Variants in CTNNA3 observed in about 807,000 individuals in gnomAD.
CTNNA3 encodes catenin alpha 3, also known as catenin alpha-3.
In CTNNA3, 76 loss-of-function variants were observed where a neutral mutation model predicts 95.7. The observed-to-expected ratio is 0.79, with a 90% CI of 0.66 to 0.96. The LOEUF is 0.96. Among genes scored for constraint, CTNNA3 ranks in the 40% least tolerant of loss-of-function variants. The pLI is 0.00. For synonymous variants in CTNNA3, 431 were observed against 374.4 expected, an observed-to-expected ratio of 1.15 and a Z score of -1.74; for missense variants, 1,191 against 1,089.8, an observed-to-expected ratio of 1.09 and a Z score of -1.31.
At chr10:67,318,107 T>C (rs1219099711) in intron 5 of CTNNA3, among the ~76,000 whole-genome samples, 1 of 152,142 alleles carries the variant, frequency 6.6e-6, no homozygotes, top group African/African-American at 2.4e-5. Context: ...AAAATGCCTA[T>C]TAGGTATTTA....
At chr10:66,683,814 G>T (rs563787796) in intron 9 of CTNNA3, among the ~76,000 whole-genome samples, 2 of 152,230 alleles carry the variant, frequency 1.3e-5, no homozygotes, top group African/African-American at 4.8e-5. Context: ...GGGCTGGTTT[G>T]AAGAAAGATG....
intron 7 of CTNNA3, among the ~76,000 whole-genome samples, chr10:66,834,158 T>C (rs10733830): frequency 0.72 from 109,620 of 152,084 alleles, 40,012 homozygotes; most frequent in African/African-American, 0.81. Flanking sequence ...CTTCTACAGT[T>C]GAGCTAATAG....
chr10:66,343,083 G>T (rs996539944), intron 12 of CTNNA3, among the ~76,000 whole-genome samples: 1 of 152,128 alleles, frequency 6.6e-6, no homozygotes, highest in Middle Eastern at 3.4e-3. Context: ...ACATTGACAA[G>T]CCCTCTCAAT....
At chr10:67,601,741 T>G (rs938375171) in intron 3 of CTNNA3, among the ~76,000 whole-genome samples, 2 of 152,212 alleles carry the variant, frequency 1.3e-5, no homozygotes, top group African/African-American at 4.8e-5. Context: ...TGTCATTGTA[T>G]TGGTAGTGTA....
intron 17 of CTNNA3, among the ~76,000 whole-genome samples, chr10:65,957,803 C>T (rs564104045): frequency 1.3e-5 from 2 of 152,310 alleles, no homozygotes; most frequent in Non-Finnish European, 2.9e-5. Context: ...ACCTTTCTCT[C>T]TGGTTGCCCT....
chr10:66,270,483 G>C (rs1252308125), intron 13 of CTNNA3, among the ~76,000 whole-genome samples: 2 of 152,166 alleles, frequency 1.3e-5, no homozygotes, highest in Non-Finnish European at 2.9e-5. Context: ...TGGGATTATA[G>C]ATATAAGCCA....
chr10:67,726,418 AT>A (rs1168061260), intron 1 of CTNNA3, among the ~76,000 whole-genome samples: 5 of 48,942 alleles, frequency 1.0e-4, no homozygotes, highest in South Asian at 8.3e-4. Flanking sequence ...CATATATAAT[AT>A]TATATATTAT....
intron 5 of CTNNA3, among the ~76,000 whole-genome samples, chr10:67,410,121 G>A (rs564962736): frequency 6.6e-6 from 1 of 152,072 alleles, no homozygotes; most frequent in African/African-American, 2.4e-5. Flanking sequence ...GCCCATCAAA[G>A]ATAGACTGGA....
chr10:66,128,910 C>A (rs1012854100), intron 13 of CTNNA3, among the ~76,000 whole-genome samples: 1 of 151,252 alleles, frequency 6.6e-6, no homozygotes, highest in African/African-American at 2.4e-5. Flanking sequence ...ATCTCTGTAA[C>A]TTTTATTCAA....
At chr10:66,443,601 G>A (rs1564968122) in intron 11 of CTNNA3, among the ~76,000 whole-genome samples, 1 of 152,176 alleles carries the variant, frequency 6.6e-6, no homozygotes, top group Non-Finnish European at 1.5e-5. Flanking sequence ...CAACAAACCT[G>A]CATCTGAGGG....
intron 7 of CTNNA3, among the ~76,000 whole-genome samples, chr10:66,800,699 G>A (rs1243020192): frequency 6.6e-6 from 1 of 150,910 alleles, no homozygotes; most frequent in Non-Finnish European, 1.5e-5. Flanking sequence ...AACTATATAG[G>A]AACTATATAA....
intron 11 of CTNNA3, among the ~76,000 whole-genome samples, chr10:66,403,265 C>T (rs886311993): frequency 9.9e-5 from 15 of 152,122 alleles, no homozygotes; most frequent in African/African-American, 3.6e-4. Flanking sequence ...CAATGAAAGC[C>T]TTTCTTTCTA....
At chr10:66,181,176 T>C in intron 13 of CTNNA3, among the ~76,000 whole-genome samples, 1 of 152,216 alleles carries the variant, frequency 6.6e-6, no homozygotes. Context: ...TCATAAACTT[T>C]CACTAAATTT....
At chr10:66,830,675 T>C (rs1379431500) in intron 7 of CTNNA3, among the ~76,000 whole-genome samples, 1 of 151,992 alleles carries the variant, frequency 6.6e-6, no homozygotes, top group Non-Finnish European at 1.5e-5. Context: ...AGTGGTGCGA[T>C]CTCGGCTCAC....
At chr10:66,318,834 T>C (rs1275501711) in intron 12 of CTNNA3, among the ~76,000 whole-genome samples, 2 of 152,068 alleles carry the variant, frequency 1.3e-5, no homozygotes, top group African/African-American at 4.8e-5. Flanking sequence ...GAAATATCTT[T>C]TGAGAACCTT....
chr10:65,988,565 GAA>G (rs1187145442), intron 16 of CTNNA3, 125 bp downstream of exon 16: 1 of 645,738 alleles, frequency 1.5e-6, no homozygotes, highest in Non-Finnish European at 2.7e-6. Context: ...AGAGCTATTA[GAA>G]ATTCAATTAT....
chr10:66,312,706 C>A (rs902788732), intron 12 of CTNNA3, among the ~76,000 whole-genome samples: 1 of 151,914 alleles, frequency 6.6e-6, no homozygotes, highest in Non-Finnish European at 1.5e-5. Context: ...ATCATCAGGC[C>A]CGGATAATTT....
At chr10:67,218,527 A>G (rs1213404698) in intron 6 of CTNNA3, among the ~76,000 whole-genome samples, 1 of 152,058 alleles carries the variant, frequency 6.6e-6, no homozygotes. Context: ...TTCTTCCTCT[A>G]TCCAGTCCCG....
At chr10:66,879,285 T>C (rs1844753075) in intron 7 of CTNNA3, among the ~76,000 whole-genome samples, 1 of 152,116 alleles carries the variant, frequency 6.6e-6, no homozygotes, top group Non-Finnish European at 1.5e-5. Flanking sequence ...ATGAAAAGAC[T>C]TTAAAACTCT....
Sources: allele counts gnomAD v4.1 joint callset (sites outside exome capture counted in the v4.1 genomes callset), GRCh38; gene constraint gnomAD v4.1.1; transcripts MANE v1.5; gene names NCBI Gene and HGNC (gene_info 2026-07-23, HGNC 2026-07-21).